The following KLF12 variants were observed in gnomAD, a reference collection of about 807,000 sequenced individuals.
KLF12 encodes the protein Krueppel-like factor 12.
A neutral mutation model predicts 37.8 loss-of-function variants in KLF12; 9 were observed. The observed-to-expected ratio is 0.24, with a 90% CI of 0.14 to 0.42. KLF12 has a LOEUF of 0.42. Ranked by LOEUF, KLF12 falls within the 10% of genes least tolerant of loss-of-function variation. The probability of loss-of-function intolerance (pLI) is 1.00; values close to 1 mark genes in which losing one functional copy is unlikely to be tolerated. For missense variants in KLF12, 411 were observed against 516.0 expected, an observed-to-expected ratio of 0.80 and a Z score of 1.97; for synonymous variants, 208 against 202.1, an observed-to-expected ratio of 1.03 and a Z score of -0.25.
intron 5 of KLF12, 37 bp downstream of exon 5, chr13:73,813,115 G>A: frequency 1.2e-6 from 2 of 1,607,922 alleles, no homozygotes; most frequent in African/African-American, 2.7e-5. Context: ...TGAACACCTT[G>A]GCAATTCTTA....
the KLF12 span, among the ~76,000 whole-genome samples, chr13:74,224,915 G>T: frequency 6.6e-6 from 1 of 152,124 alleles, no homozygotes; most frequent in Non-Finnish European, 1.5e-5. Context: ...GAAAAGAAGG[G>T]AAGTGCATAA....
chr13:73,915,507 T>A (rs1292767356), intron 3 of KLF12, among the ~76,000 whole-genome samples: 1 of 151,514 alleles, frequency 6.6e-6, no homozygotes, highest in African/African-American at 2.4e-5. Context: ...GGCTTCTTTT[T>A]CAGTTTTGTT....
At chr13:74,282,529 G>A in the KLF12 span, among the ~76,000 whole-genome samples, 4 of 152,282 alleles carry the variant, frequency 2.6e-5, no homozygotes, top group South Asian at 8.3e-4. Flanking sequence ...TAGGGCTATA[G>A]GGTGATGATG....
chr13:74,195,773 G>GT, the KLF12 span, among the ~76,000 whole-genome samples: 2 of 151,982 alleles, frequency 1.3e-5, no homozygotes. Context: ...TAATTTTTGT[G>GT]TTTTTTAGGA....
intron 5 of KLF12, among the ~76,000 whole-genome samples, chr13:73,778,656 C>G (rs185135018): frequency 6.6e-6 from 1 of 152,100 alleles, no homozygotes; most frequent in Non-Finnish European, 1.5e-5. Context: ...TGAGCCACTG[C>G]GCCTGGCCTG....
At chr13:74,275,777 T>G in the KLF12 span, among the ~76,000 whole-genome samples, 1 of 75,508 alleles carries the variant, frequency 1.3e-5, no homozygotes, top group East Asian at 4.2e-4. Flanking sequence ...TATGCCTGTC[T>G]TTTTCTTTCT....
chr13:74,220,265 G>A, the KLF12 span, among the ~76,000 whole-genome samples: 7 of 151,936 alleles, frequency 4.6e-5, no homozygotes, highest in Non-Finnish European at 4.4e-5. Flanking sequence ...TTACTTCATC[G>A]GATTTTCACA....
At chr13:73,797,596 C>T (rs1190265782) in intron 5 of KLF12, among the ~76,000 whole-genome samples, 3 of 151,868 alleles carry the variant, frequency 2.0e-5, no homozygotes, top group Non-Finnish European at 2.9e-5. Flanking sequence ...ACAGCAAAAC[C>T]CCATTTCTAC....
At position 73,754,923 on chromosome 13, in the gene KLF12, C is replaced by T. The variant is rs901052982; in HGVS notation, c.869+10015G>A. ...TAGGTGGCAGCAACTTTCCTCTGTT[C>T]TTCACATGGTTGCCTTTAGCCTTTG... On this transcript the variant is annotated intron_variant, in intron 6 of 7. Coordinates refer to ENST00000377669, the MANE Select transcript of KLF12 (RefSeq NM_007249.5). Among the ~76,000 whole-genome samples, 35 of 152,188 alleles carry T rather than the reference C, an allele frequency of 2.3e-4. 2 individuals are homozygous for T.
intron 1 of KLF12, among the ~76,000 whole-genome samples, chr13:74,016,485 C>T (rs1593832415): frequency 6.6e-6 from 1 of 152,338 alleles, no homozygotes; most frequent in East Asian, 1.9e-4. Flanking sequence ...CCTCAGCCTC[C>T]TAAGTAGCTA....
At chr13:74,106,300 C>A (rs1876646755) in intron 1 of KLF12, among the ~76,000 whole-genome samples, 1 of 152,124 alleles carries the variant, frequency 6.6e-6, no homozygotes, top group Non-Finnish European at 1.5e-5. Context: ...ATATCTTAGA[C>A]ACTAAAAGTG....
At chr13:74,249,400 A>G in the KLF12 span, among the ~76,000 whole-genome samples, 1 of 150,532 alleles carries the variant, frequency 6.6e-6, no homozygotes, top group Non-Finnish European at 1.5e-5. Flanking sequence ...ACTCAATGCC[A>G]TAAATGTCTG....
At chr13:73,779,761 T>C (rs1590379) in intron 5 of KLF12, among the ~76,000 whole-genome samples, 20,471 of 152,244 alleles carry the variant, frequency 0.13, 1,696 homozygotes, top group Non-Finnish European at 0.19. Context: ...CCTTGAGCTG[T>C]GGCATCTGTG....
chr13:74,081,601 C>T (rs1011261593), intron 1 of KLF12, among the ~76,000 whole-genome samples: 1 of 152,132 alleles, frequency 6.6e-6, no homozygotes, highest in African/African-American at 2.4e-5. Flanking sequence ...CCATGAGCAA[C>T]GCATCATCCT....
intron 2 of KLF12, among the ~76,000 whole-genome samples, chr13:73,992,440 T>A (rs1024880641): frequency 6.6e-6 from 1 of 152,258 alleles, no homozygotes; most frequent in African/African-American, 2.4e-5. Context: ...AAAAACTTAA[T>A]GCAAAAGTTG....
intron 7 of KLF12, among the ~76,000 whole-genome samples, chr13:73,705,419 G>A (rs1047161706): frequency 6.6e-6 from 1 of 152,084 alleles, no homozygotes; most frequent in Non-Finnish European, 1.5e-5. Flanking sequence ...TACTACAGGT[G>A]TACACCACCA....
chr13:73,702,641 C>T (rs1366455805), intron 7 of KLF12, among the ~76,000 whole-genome samples: 1 of 152,174 alleles, frequency 6.6e-6, no homozygotes, highest in Non-Finnish European at 1.5e-5. Context: ...TTCAGAAGTG[C>T]ATTTCTGAAA....
intron 1 of KLF12, among the ~76,000 whole-genome samples, chr13:74,000,908 T>C (rs1892264051): frequency 6.6e-6 from 1 of 152,244 alleles, no homozygotes; most frequent in Non-Finnish European, 1.5e-5. Context: ...TATGCTCAGA[T>C]TCAAATGTAA....
intron 2 of KLF12, among the ~76,000 whole-genome samples, chr13:73,978,627 C>A (rs953289768): frequency 2.6e-5 from 4 of 152,066 alleles, no homozygotes; most frequent in Non-Finnish European, 5.9e-5. Context: ...TCCCAAAGTC[C>A]AGGTTCCAGG....
Sources: allele counts gnomAD v4.1 joint callset (sites outside exome capture counted in the v4.1 genomes callset), GRCh38; gene constraint gnomAD v4.1.1; transcripts MANE v1.5; gene names NCBI Gene and HGNC (gene_info 2026-07-23, HGNC 2026-07-21).